Variants in VAPA observed in about 807,000 individuals in gnomAD.
VAPA encodes VAMP associated protein A, also known as vesicle-associated membrane protein-associated protein A.
In VAPA, 6 loss-of-function variants were observed where a neutral mutation model predicts 25.6. The observed-to-expected ratio is 0.23, with a 90% CI of 0.13 to 0.46. The LOEUF (loss-of-function observed/expected upper bound fraction) is 0.46. Ranked by LOEUF, VAPA falls within the 20% of genes least tolerant of loss-of-function variation. The probability of loss-of-function intolerance (pLI) is 0.99; values close to 1 mark genes in which losing one functional copy is unlikely to be tolerated. For synonymous variants in VAPA, 112 were observed against 106.2 expected (o/e 1.05, Z -0.34); for missense variants, 244 against 302.1 (o/e 0.81, Z 1.43).
In VAPA at chr18:9,959,173, T is replaced by G. The variant is rs1467728020; in HGVS notation, c.*4962T>G. 1 of 152,186 alleles carries G rather than the reference T, an allele frequency of 6.6e-6. No individual in the cohort carries two copies. Among genetic ancestry groups the G allele is most frequent in the Non-Finnish European group, 1.5e-5 (1 of 68,030 alleles). The allele number at this position is 152,186 out of a possible 1,614,324, so 9.4% of individuals were successfully genotyped here. ...GATCTAGATGGTCTGATCCTAGTGA[T>G]CTACCATATGAAGGACATAGTTTGT... On this transcript the variant is annotated 3_prime_UTR_variant, in exon 6 of 6. Transcript: ENST00000400000.
At chr18:9,917,586 TAGC>T (rs1479581847) in intron 1 of VAPA, among the ~76,000 whole-genome samples, 5 of 152,220 alleles carry the variant, frequency 3.3e-5, no homozygotes, top group Non-Finnish European at 4.4e-5. Flanking sequence ...TGACCCCTAT[TAGC>T]AGTTTTGTAG....
rs535757358 is a variant in VAPA at position 9,944,662 on chromosome 18, T to C, written c.418-5733T>C. Among the ~76,000 whole-genome samples, 5 of 152,244 alleles carry C rather than the reference T, an allele frequency of 3.3e-5. No homozygotes were observed. The South Asian group carries it at 8.3e-4, about 25-fold the overall frequency. On this transcript the variant is annotated intron_variant, in intron 4 of 5. Coordinates refer to ENST00000400000, the MANE Select transcript of VAPA (RefSeq NM_194434.3). ...AACAATGTAAGGCTGGCATAAATTT[T>C]AATAAAGTATGTACATTTAATAGGT... is the stretch of plus-strand genomic sequence containing the variant.
intron 4 of VAPA, among the ~76,000 whole-genome samples, chr18:9,939,145 A>G (rs996683668): frequency 6.6e-6 from 1 of 151,988 alleles, no homozygotes; most frequent in Non-Finnish European, 1.5e-5. Flanking sequence ...TGTTTGAATT[A>G]GATGAAAATA....
intron 5 of VAPA, among the ~76,000 whole-genome samples, chr18:9,953,201 G>C (rs1159901811): frequency 6.6e-6 from 1 of 152,188 alleles, no homozygotes. Flanking sequence ...ACATAGTGCT[G>C]TGTGAAGCCA....
At chr18:9,944,962 A>C in intron 4 of VAPA, 2 of 1,614,198 alleles carry the variant, frequency 1.2e-6, no homozygotes, top group Non-Finnish European at 1.7e-6. Context: ...CTGTCACTTC[A>C]ATGAGCAGCA....
intron 1 of VAPA, among the ~76,000 whole-genome samples, chr18:9,929,246 GTACTTCAT>G (rs1245944117): frequency 6.6e-6 from 1 of 152,140 alleles, no homozygotes; most frequent in East Asian, 1.9e-4. Context: ...TGGGAACATA[GTACTTCAT>G]TGTGTGGGTC....
rs29138 is a variant in VAPA, at chr18:9,943,498, G to T, written c.417+6432G>T. Among the ~76,000 whole-genome samples, 731 of 152,238 alleles carry T rather than the reference G, an allele frequency of 4.8e-3. 6 individuals are homozygous for T. The highest frequency in any genetic ancestry group is 5.4e-3 in the Non-Finnish European group (369 of 68,020). On this transcript the variant is annotated intron_variant, in intron 4 of 5. Transcript: ENST00000400000. ...GGCCCCTAGTGTCTTCAGTTGAGTTGTTGTCAGTGCTAGTACTGAAAGCCA... is the reference window on the plus strand; with the variant it reads ...GGCCCCTAGTGTCTTCAGTTGAGTTTTTGTCAGTGCTAGTACTGAAAGCCA...
chr18:9,954,256 AC>A lies in VAPA; in HGVS notation c.*47del. 6.6e-7 allele frequency: 1 copy of A among 1,516,288 alleles called. No homozygotes were observed. Among genetic ancestry groups the A allele is most frequent in the Non-Finnish European group, 8.9e-7 (1 of 1,125,606 alleles). The allele number at this position is 1,516,288 out of a possible 1,614,324, so 93.9% of individuals were successfully genotyped here. On this transcript the variant is annotated 3_prime_UTR_variant, in exon 6 of 6. Transcript: ENST00000400000. ...TGTTTCTTTTTTTTTTTTTCTCTTG[AC>A]CAGAAAAAGATTTGTTTACCTACCA...
chr18:9,914,271 A>G lies in VAPA; in HGVS notation c.15A>G (p.Ser5=), dbSNP rs878976634. MASA[S]GAMAKHEQIL... ...CTGTCTCTCCGATGGCGTCCGCCTCAGGGGCCATGGCGAAGCACGAGCAGA... is the reference window on the plus strand; with the variant it reads ...CTGTCTCTCCGATGGCGTCCGCCTCGGGGGCCATGGCGAAGCACGAGCAGA... The change falls in exon 1 of 6, where the codon TCA becomes TCG. Residue 5 remains serine (S), a synonymous_variant. Transcript: ENST00000400000. 6.3e-7 allele frequency: 1 copy of G among 1,584,974 alleles called. No homozygotes were observed. Among genetic ancestry groups the G allele is most frequent in the Non-Finnish European group, 8.6e-7 (1 of 1,167,318 alleles).
chr18:9,931,737 T>A, intron 1 of VAPA, 73 bp from the exon 2 acceptor site: 1 of 1,318,170 alleles, frequency 7.6e-7, no homozygotes, highest in Non-Finnish European at 1.0e-6. Context: ...GGTTATATAT[T>A]TTCAGTTTTG....
In VAPA at chr18:9,959,234, CAGTA is replaced by C. The variant is rs902756543; in HGVS notation, c.*5028_*5031del. On this transcript the variant is annotated 3_prime_UTR_variant, in exon 6 of 6. Coordinates refer to ENST00000400000, the MANE Select transcript of VAPA (RefSeq NM_194434.3). Reference sequence around the variant, plus strand: ...AAGTCAAATATTGACTCCTCACAAACAGTAAGTATGGCAATTTTGTGATGCCTTT... The same window carrying C: ...AAGTCAAATATTGACTCCTCACAAACAGTATGGCAATTTTGTGATGCCTTT... 1 of 152,178 alleles carries C rather than the reference CAGTA, an allele frequency of 6.6e-6. No individual in the cohort carries two copies. The highest frequency in any genetic ancestry group is 1.5e-5 in the Non-Finnish European group (1 of 68,036). 9.4% of individuals were successfully genotyped at this position (152,178 alleles called of 1,614,324 possible).
At chr18:9,945,839 GA>G (rs977191179) in intron 4 of VAPA, among the ~76,000 whole-genome samples, 166 of 150,820 alleles carry the variant, frequency 1.1e-3, no homozygotes, top group African/African-American at 3.8e-3. Context: ...TTTAGAGTGG[GA>G]AAAAAAAACT....
chr18:9,946,917 G>A (rs970982389), intron 4 of VAPA, among the ~76,000 whole-genome samples: 5 of 151,978 alleles, frequency 3.3e-5, no homozygotes, highest in African/African-American at 9.7e-5. Flanking sequence ...GTCCTTATTC[G>A]CTGCCTTTTT....
chr18:9,934,903 G>A (rs910442211), intron 2 of VAPA, among the ~76,000 whole-genome samples: 2 of 151,790 alleles, frequency 1.3e-5, no homozygotes, highest in African/African-American at 4.8e-5. Context: ...GACCATCCTG[G>A]ATAACACGGT....
intron 4 of VAPA, among the ~76,000 whole-genome samples, chr18:9,939,723 G>A (rs763906995): frequency 6.6e-6 from 1 of 151,964 alleles, no homozygotes; most frequent in Admixed American, 6.6e-5. Flanking sequence ...TCTGGGGACC[G>A]TGCTTGGAAA....
At chr18:9,945,033 G>C in intron 4 of VAPA, 2 of 1,614,118 alleles carry the variant, frequency 1.2e-6, no homozygotes, top group South Asian at 2.2e-5. Flanking sequence ...AGGGGACTCA[G>C]TGTGTTGAAA....
At chr18:9,920,286 CCTTTT>C (rs1363066859) in intron 1 of VAPA, among the ~76,000 whole-genome samples, 1 of 152,008 alleles carries the variant, frequency 6.6e-6, no homozygotes, top group East Asian at 1.9e-4. Context: ...GCAGACATCT[CCTTTT>C]CTTTTCTTTC....
rs2069523951 is a variant in VAPA at position 9,954,451 on chromosome 18, T to C, written c.*240T>C. The C allele has an allele frequency of 5.0e-6, 2 of 399,274 alleles. No individual in the cohort carries two copies. The highest frequency in any genetic ancestry group is 8.8e-6 in the Non-Finnish European group (2 of 227,318). 24.7% of individuals were successfully genotyped at this position (399,274 alleles called of 1,614,324 possible). A position where few individuals can be genotyped will look rare whatever the true frequency, so the allele number is the denominator to read the frequency against. On this transcript the variant is annotated 3_prime_UTR_variant, in exon 6 of 6. Transcript: ENST00000400000. Reference sequence around the variant, plus strand: ...ATCACTAGCAGATGTCAGTTGCACATTGAGTCCTTTATGAAATTCATAAAT... The same window carrying C: ...ATCACTAGCAGATGTCAGTTGCACACTGAGTCCTTTATGAAATTCATAAAT...
intron 2 of VAPA, among the ~76,000 whole-genome samples, chr18:9,934,608 C>T (rs1305183531): frequency 1.3e-5 from 2 of 152,024 alleles, no homozygotes; most frequent in African/African-American, 2.4e-5. Context: ...TTTATTTACC[C>T]GTGTTTATCT....
Sources: allele counts gnomAD v4.1 joint callset (sites outside exome capture counted in the v4.1 genomes callset), GRCh38; gene constraint gnomAD v4.1.1; transcripts MANE v1.5; gene names NCBI Gene and HGNC (gene_info 2026-07-23, HGNC 2026-07-21).